ANKS1A: variants seen among roughly 807,000 people sequenced by gnomAD.
The protein encoded by ANKS1A is ankyrin repeat and SAM domain-containing protein 1A.
In ANKS1A, 55 loss-of-function variants were observed where a neutral mutation model predicts 120.3. The ratio of observed to expected loss-of-function variants is 0.46; its 90% confidence interval spans 0.37 to 0.57. The LOEUF (loss-of-function observed/expected upper bound fraction) is 0.57, where lower values mean the gene tolerates loss of function less well. Ranked by LOEUF, ANKS1A falls within the 20% of genes least tolerant of loss-of-function variation. The probability of loss-of-function intolerance (pLI) is 0.00; values close to 1 mark genes in which losing one functional copy is unlikely to be tolerated. For synonymous variants in ANKS1A, 590 were observed against 604.7 expected (o/e 0.98, Z 0.36); for missense variants, 1,123 against 1,480.3 (o/e 0.76, Z 3.96).
chr6:34,906,261 C>T (rs1176465462), intron 1 of ANKS1A, among the ~76,000 whole-genome samples: 1 of 152,156 alleles, frequency 6.6e-6, no homozygotes, highest in Non-Finnish European at 1.5e-5. Flanking sequence ...GGAGCGACTG[C>T]TTACTGTCCT....
intron 10 of ANKS1A, among the ~76,000 whole-genome samples, chr6:34,995,066 A>G (rs1200732406): frequency 6.6e-6 from 1 of 152,226 alleles, no homozygotes; most frequent in Non-Finnish European, 1.5e-5. Flanking sequence ...ATAAGGGACA[A>G]TGCAGTTCCC....
intron 1 of ANKS1A, among the ~76,000 whole-genome samples, chr6:34,900,798 A>G (rs1767309288): frequency 6.6e-6 from 1 of 152,146 alleles, no homozygotes; most frequent in African/African-American, 2.4e-5. Context: ...AATGTAACAC[A>G]AAGTCCTTTG....
intron 17 of ANKS1A, 73 bp downstream of exon 17, chr6:35,081,231 C>A: frequency 6.8e-7 from 1 of 1,473,788 alleles, no homozygotes; most frequent in Admixed American, 2.2e-5. Context: ...CTCCCAGAAC[C>A]ACCTGCTGCC....
intron 1 of ANKS1A, among the ~76,000 whole-genome samples, chr6:34,914,167 C>T (rs764427506): frequency 1.4e-4 from 18 of 129,962 alleles, no homozygotes; most frequent in South Asian, 5.1e-4. Context: ...GTGATCTGCC[C>T]GCCTTGGCCT....
chr6:34,925,079 A>G (rs1309299866), intron 1 of ANKS1A, among the ~76,000 whole-genome samples: 3 of 152,044 alleles, frequency 2.0e-5, no homozygotes, highest in African/African-American at 4.8e-5. Context: ...GTGTTCTTAT[A>G]TTTCTTCCTT....
At chr6:35,014,846 G>A (rs1296331405) in intron 10 of ANKS1A, among the ~76,000 whole-genome samples, 3 of 152,192 alleles carry the variant, frequency 2.0e-5, no homozygotes, top group Non-Finnish European at 4.4e-5. Flanking sequence ...TGGTCCCAGA[G>A]ATGGCAAATT....
Position 35,084,010 on chromosome 6 carries a change from T to C in ANKS1A, c.2995-111T>C. 2.0e-6 allele frequency: 3 copies of C among 1,498,826 alleles called. No homozygotes were observed. The highest frequency in any genetic ancestry group is 2.6e-5 in the South Asian group (2 of 77,542). 92.8% of individuals were successfully genotyped at this position (1,498,826 alleles called of 1,614,324 possible). A position where few individuals can be genotyped will look rare whatever the true frequency, so the allele number is the denominator to read the frequency against. ...AATGAGAAGATGAAGGGGGGTTTGC[T>C]TGATGCTCTAGGCTGGGACAGAGAA... On this transcript the variant is annotated intron_variant, in intron 20 of 23. Transcript: ENST00000360359. This position sits in a 1 kb window ranked among gnomAD's most constrained non-coding sequence, Gnocchi z 4.8.
chr6:35,082,965 C>A lies in ANKS1A; in HGVS notation c.2835+149C>A. On this transcript the variant is annotated intron_variant, in intron 18 of 23. Coordinates refer to ENST00000360359, the MANE Select transcript of ANKS1A (RefSeq NM_015245.3). This position sits in a 1 kb window ranked among gnomAD's most constrained non-coding sequence, Gnocchi z 4.1. ...TCTCAGCCACTCTTGACAGCTAAGG[C>A]GAAGGGGTGGAGGCCTCTGGATCCT... The A allele has an allele frequency of 1.4e-6, 2 of 1,388,930 alleles. No homozygotes were observed. The highest frequency in any genetic ancestry group is 1.9e-6 in the Non-Finnish European group (2 of 1,033,858). The allele number at this position is 1,388,930 out of a possible 1,614,324, so 86.0% of individuals were successfully genotyped here.
At chr6:35,071,079 C>G in intron 13 of ANKS1A, 1 of 390,500 alleles carries the variant, frequency 2.6e-6, no homozygotes, top group Non-Finnish European at 4.8e-6. Flanking sequence ...GACTCCAGGC[C>G]TTTAGATAAA....
chr6:34,957,872 G>A (rs755433550), intron 1 of ANKS1A, among the ~76,000 whole-genome samples: 11 of 152,170 alleles, frequency 7.2e-5, no homozygotes, highest in Non-Finnish European at 1.2e-4. Flanking sequence ...TCAACTATAT[G>A]ACAATCAGCA....
intron 20 of ANKS1A, 79 bp downstream of exon 20, chr6:35,083,582 C>T: frequency 7.3e-7 from 1 of 1,375,404 alleles, no homozygotes; most frequent in East Asian, 2.3e-5. Flanking sequence ...GGCAAGCAAC[C>T]CGGCTGCCCT....
chr6:34,947,226 A>T (rs541270244), intron 1 of ANKS1A, among the ~76,000 whole-genome samples: 3 of 148,476 alleles, frequency 2.0e-5, no homozygotes, highest in East Asian at 2.0e-4. Flanking sequence ...GCTCACTACA[A>T]CCTCTGCCTC....
intron 13 of ANKS1A, among the ~76,000 whole-genome samples, chr6:35,061,522 G>A (rs1776503248): frequency 6.6e-6 from 1 of 152,132 alleles, no homozygotes; most frequent in Non-Finnish European, 1.5e-5. Flanking sequence ...GTTGTGTTTG[G>A]TGCCTCCTGA....
chr6:35,037,305 A>G (rs1702927762), intron 11 of ANKS1A, among the ~76,000 whole-genome samples: 1 of 152,234 alleles, frequency 6.6e-6, no homozygotes, highest in South Asian at 2.1e-4. Context: ...CATTCTTCAG[A>G]CACTCACAGA....
intron 1 of ANKS1A, among the ~76,000 whole-genome samples, chr6:34,922,346 G>T (rs971714555): frequency 6.6e-6 from 1 of 152,152 alleles, no homozygotes; most frequent in African/African-American, 2.4e-5. Flanking sequence ...GATGAGTCAG[G>T]ATTCATTCTG....
chr6:35,008,231 A>G (rs1773561805), intron 10 of ANKS1A, among the ~76,000 whole-genome samples: 1 of 49,418 alleles, frequency 2.0e-5, no homozygotes. Flanking sequence ...CTTTTTTTTA[A>G]ATAGACGGGG....
chr6:34,909,179 A>G (rs1767788122), intron 1 of ANKS1A, among the ~76,000 whole-genome samples: 1 of 152,124 alleles, frequency 6.6e-6, no homozygotes, highest in Non-Finnish European at 1.5e-5. Context: ...ACCCATGTTC[A>G]TGCAGAACAG....
chr6:35,004,688 A>AAGG (rs35784851), intron 10 of ANKS1A, among the ~76,000 whole-genome samples: 102,068 of 151,572 alleles, frequency 0.67, 36,340 homozygotes, highest in Non-Finnish European at 0.8. Flanking sequence ...GAGGCCAAGG[A>AAGG]AGGCTTACTT....
At chr6:34,969,245 C>T (rs1050570894) in intron 2 of ANKS1A, among the ~76,000 whole-genome samples, 2 of 151,918 alleles carry the variant, frequency 1.3e-5, no homozygotes, top group South Asian at 4.2e-4. Flanking sequence ...TTTGCAATAA[C>T]TATTTATTTA....
Sources: allele counts gnomAD v4.1 joint callset (sites outside exome capture counted in the v4.1 genomes callset), GRCh38; gene constraint gnomAD v4.1.1; non-coding constraint Gnocchi (gnomAD v3.1); transcripts MANE v1.5; gene names NCBI Gene and HGNC (gene_info 2026-07-23, HGNC 2026-07-21).